Variants in NFX1 observed in about 807,000 individuals in gnomAD.
NFX1 encodes the protein transcriptional repressor NF-X1.
NFX1 carries 69 observed loss-of-function variants against 137.2 expected under a neutral mutation model. The ratio of observed to expected loss-of-function variants is 0.50; its 90% confidence interval spans 0.41 to 0.61. The LOEUF (loss-of-function observed/expected upper bound fraction) is 0.61, where lower values mean the gene tolerates loss of function less well. NFX1 is among the 20% of genes least tolerant of loss of function. NFX1 has a pLI of 0.00. For synonymous variants in NFX1, 495 were observed against 474.1 expected (o/e 1.04, Z -0.57); for missense variants, 1,167 against 1,391.0 (o/e 0.84, Z 2.56).
At chr9:33,333,890 A>G (rs958001069) in intron 11 of NFX1, among the ~76,000 whole-genome samples, 33 of 152,384 alleles carry the variant, frequency 2.2e-4, no homozygotes, top group African/African-American at 7.0e-4. Flanking sequence ...CATGCCTGTA[A>G]TCCCAGCACT....
chr9:33,319,813 G>C (rs1052656657), intron 9 of NFX1, among the ~76,000 whole-genome samples: 1 of 151,380 alleles, frequency 6.6e-6, no homozygotes, highest in Non-Finnish European at 1.5e-5. Flanking sequence ...CCTGGCCAAA[G>C]AACTAAAATT....
At chr9:33,348,808 C>A in intron 15 of NFX1, 3 of 983,250 alleles carry the variant, frequency 3.1e-6, no homozygotes, top group Non-Finnish European at 3.6e-6. Context: ...TATAAACCAC[C>A]AGACGTGGTA....
At chr9:33,327,957 A>G (rs964642876) in intron 9 of NFX1, among the ~76,000 whole-genome samples, 2 of 152,126 alleles carry the variant, frequency 1.3e-5, no homozygotes, top group African/African-American at 4.8e-5. Flanking sequence ...TTTTAGGGAG[A>G]TTCAAGTCTA....
chr9:33,323,001 AATTGATGCCCTGGAAC>A (rs1396183471), intron 9 of NFX1, among the ~76,000 whole-genome samples: 1 of 152,232 alleles, frequency 6.6e-6, no homozygotes, highest in African/African-American at 2.4e-5. Context: ...ACTGCTGAGC[AATTGATGCCCTGGAAC>A]ATTGTCAAAA....
intron 10 of NFX1, among the ~76,000 whole-genome samples, chr9:33,329,502 G>A (rs1822721408): frequency 6.6e-6 from 1 of 152,136 alleles, no homozygotes; most frequent in African/African-American, 2.4e-5. Context: ...TATCAGGCAT[G>A]GCATTCCACT....
chr9:33,306,178 C>T (rs1821747038), intron 4 of NFX1, among the ~76,000 whole-genome samples: 1 of 152,106 alleles, frequency 6.6e-6, no homozygotes, highest in Non-Finnish European at 1.5e-5. Flanking sequence ...GTGAGAGCCA[C>T]TTTGTAGGAA....
At chr9:33,333,002 C>G (rs1399399280) in intron 11 of NFX1, among the ~76,000 whole-genome samples, 1 of 152,192 alleles carries the variant, frequency 6.6e-6, no homozygotes, top group Non-Finnish European at 1.5e-5. Flanking sequence ...TCCACCACTA[C>G]ACCTGGCTGA....
intron 15 of NFX1, chr9:33,348,660 C>T: frequency 1.4e-6 from 1 of 739,186 alleles, no homozygotes; most frequent in Non-Finnish European, 1.7e-6. Context: ...GACAGGGTTG[C>T]CACAAAGTTT....
At chr9:33,345,610 C>T (rs542227996) in intron 14 of NFX1, among the ~76,000 whole-genome samples, 11 of 152,196 alleles carry the variant, frequency 7.2e-5, no homozygotes, top group African/African-American at 2.4e-4. Flanking sequence ...GCATTTTTTC[C>T]CCAATGTAAA....
intron 7 of NFX1, 89 bp from the exon 8 acceptor site, chr9:33,318,642 G>A (rs553069421): frequency 4.5e-5 from 56 of 1,244,866 alleles, no homozygotes; most frequent in South Asian, 1.1e-4. Context: ...TGCCAGGCCC[G>A]CATTTTGTAT....
chr9:33,340,508 G>C (rs1489362586), intron 12 of NFX1, among the ~76,000 whole-genome samples: 2 of 152,218 alleles, frequency 1.3e-5, no homozygotes, highest in African/African-American at 4.8e-5. Flanking sequence ...CCTCTGATGT[G>C]CTCTGGAGAC....
intron 11 of NFX1, among the ~76,000 whole-genome samples, chr9:33,336,444 G>C (rs548381092): frequency 1.3e-5 from 2 of 152,208 alleles, no homozygotes; most frequent in African/African-American, 4.8e-5. Flanking sequence ...TCGAACTCCT[G>C]ACCTCGTGAT....
chr9:33,303,570 C>G (rs1038938001), intron 4 of NFX1, among the ~76,000 whole-genome samples: 1 of 152,180 alleles, frequency 6.6e-6, no homozygotes, highest in African/African-American at 2.4e-5. Context: ...TGGGCTTCAT[C>G]TCACCCCCAG....
intron 12 of NFX1, among the ~76,000 whole-genome samples, chr9:33,340,788 C>T (rs1422023810): frequency 1.3e-5 from 2 of 152,200 alleles, no homozygotes; most frequent in Non-Finnish European, 2.9e-5. Context: ...TTCCACAGAT[C>T]TCTAGGGCAG....
At chr9:33,302,432 T>C (rs1279655378) in intron 3 of NFX1, among the ~76,000 whole-genome samples, 4 of 148,574 alleles carry the variant, frequency 2.7e-5, no homozygotes, top group Non-Finnish European at 1.5e-5. Context: ...TGTGATCATG[T>C]CTCACTGCAG....
chr9:33,299,903 G>A (rs1162475400), intron 2 of NFX1, among the ~76,000 whole-genome samples: 2 of 151,968 alleles, frequency 1.3e-5, no homozygotes, highest in African/African-American at 4.8e-5. Context: ...GTAAATCTTA[G>A]GAGAGCCAAT....
intron 12 of NFX1, among the ~76,000 whole-genome samples, chr9:33,342,251 G>A (rs1823254524): frequency 6.6e-6 from 1 of 152,032 alleles, no homozygotes; most frequent in African/African-American, 2.4e-5. Context: ...CATGAGGTCA[G>A]GAGATTGAGA....
intron 3 of NFX1, 101 bp downstream of exon 3, chr9:33,301,522 A>G (rs1821566363): frequency 3.9e-6 from 5 of 1,294,758 alleles, no homozygotes; most frequent in Non-Finnish European, 5.3e-6. Flanking sequence ...TCTCTTAACT[A>G]CTTTTTCTGC....
intron 15 of NFX1, chr9:33,347,706 A>G (rs911695497): frequency 4.1e-5 from 18 of 439,226 alleles, no homozygotes; most frequent in Non-Finnish European, 7.3e-5. Flanking sequence ...AGAAGTCATT[A>G]TATGAAAAAG....
Sources: gnomAD v4.1 joint callset for allele counts (sites outside exome capture counted in the v4.1 genomes callset) on GRCh38, gnomAD v4.1.1 for gene constraint, MANE v1.5 for transcripts, NCBI Gene and HGNC (gene_info 2026-07-23, HGNC 2026-07-21) for gene names.